The following SPAG16 variants were observed in gnomAD, a reference collection of about 807,000 sequenced individuals.
SPAG16 encodes the protein sperm associated antigen 16.
In SPAG16, 86 loss-of-function variants were observed where a neutral mutation model predicts 80.4. That is an observed-to-expected ratio of 1.07 (90% confidence interval 0.90 to 1.28). The LOEUF is 1.28. Among genes scored for constraint, SPAG16 ranks in the 50% most tolerant of loss-of-function variants. SPAG16 has a pLI of 0.00. For synonymous variants in SPAG16, 294 were observed against 265.9 expected (o/e 1.11, Z -1.03); for missense variants, 870 against 765.3 (o/e 1.14, Z -1.61).
intron 13 of SPAG16, among the ~76,000 whole-genome samples, chr2:214,070,923 T>G (rs1445587024): frequency 6.6e-6 from 1 of 152,102 alleles, no homozygotes; most frequent in East Asian, 1.9e-4. Flanking sequence ...TTGGAAAATA[T>G]AGTAGAGAAA....
chr2:213,284,751 GGTGCT>G, intron 1 of SPAG16, 132 bp downstream of exon 1: 1 of 1,330,244 alleles, frequency 7.5e-7, no homozygotes, highest in Non-Finnish European at 1.0e-6. Context: ...TGGACTTCAA[GGTGCT>G]GTTTTTGCCA....
At chr2:214,136,130 C>G (rs1012021067) in intron 14 of SPAG16, among the ~76,000 whole-genome samples, 1 of 152,046 alleles carries the variant, frequency 6.6e-6, no homozygotes, top group Non-Finnish European at 1.5e-5. Flanking sequence ...CTCACAGAAA[C>G]TAGTAGAGTG....
intron 10 of SPAG16, among the ~76,000 whole-genome samples, chr2:213,500,303 T>C (rs2074683642): frequency 6.6e-6 from 1 of 152,162 alleles, no homozygotes; most frequent in Non-Finnish European, 1.5e-5. Context: ...GTACATTTGA[T>C]ATATGAATGT....
intron 10 of SPAG16, among the ~76,000 whole-genome samples, chr2:213,640,265 G>T (rs2062535327): frequency 6.6e-6 from 1 of 152,030 alleles, no homozygotes. Flanking sequence ...TTTCTTCTTG[G>T]TTTGGATCCA....
chr2:214,054,521 T>G (rs2049833598), intron 13 of SPAG16, among the ~76,000 whole-genome samples: 1 of 152,152 alleles, frequency 6.6e-6, no homozygotes, highest in Non-Finnish European at 1.5e-5. Flanking sequence ...ATTCAATATA[T>G]TTCTGAGGCC....
At chr2:214,354,985 CT>C (rs902019328) in intron 15 of SPAG16, among the ~76,000 whole-genome samples, 3 of 152,070 alleles carry the variant, frequency 2.0e-5, no homozygotes, top group Non-Finnish European at 4.4e-5. Context: ...ATTGAATACC[CT>C]TTATTTCCTT....
At chr2:214,244,241 G>T (rs866352841) in intron 15 of SPAG16, among the ~76,000 whole-genome samples, 7 of 151,694 alleles carry the variant, frequency 4.6e-5, no homozygotes, top group African/African-American at 1.7e-4. Context: ...TATGAAAATT[G>T]AAAACATGAC....
intron 9 of SPAG16, among the ~76,000 whole-genome samples, chr2:213,464,693 T>A: frequency 6.6e-6 from 1 of 152,180 alleles, no homozygotes; most frequent in East Asian, 1.9e-4. Flanking sequence ...CACCATTGAC[T>A]GGGGGGATTA....
chr2:213,441,779 CA>C (rs1347087608), intron 9 of SPAG16, among the ~76,000 whole-genome samples: 2 of 152,108 alleles, frequency 1.3e-5, no homozygotes, highest in Non-Finnish European at 2.9e-5. Flanking sequence ...GCCATTATAG[CA>C]AGTTACAGTA....
At chr2:214,293,085 T>C (rs1213029388) in intron 15 of SPAG16, among the ~76,000 whole-genome samples, 2 of 152,084 alleles carry the variant, frequency 1.3e-5, no homozygotes, top group Non-Finnish European at 2.9e-5. Flanking sequence ...CGTAGAGCAA[T>C]GTATGCTGGC....
At chr2:213,619,310 T>C (rs901312013) in intron 10 of SPAG16, among the ~76,000 whole-genome samples, 2 of 151,974 alleles carry the variant, frequency 1.3e-5, no homozygotes, top group African/African-American at 4.8e-5. Flanking sequence ...AAATAGACAA[T>C]GAGGTTACAT....
intron 3 of SPAG16, among the ~76,000 whole-genome samples, chr2:213,308,148 T>A (rs912654718): frequency 1.3e-5 from 2 of 152,286 alleles, no homozygotes; most frequent in Non-Finnish European, 2.9e-5. Context: ...TTTATTTTTT[T>A]AATTTTATTT....
At chr2:214,026,566 T>C (rs1040603060) in intron 13 of SPAG16, among the ~76,000 whole-genome samples, 7 of 151,490 alleles carry the variant, frequency 4.6e-5, no homozygotes, top group Admixed American at 3.3e-4. Context: ...AACTAATATA[T>C]AGGTTTAATG....
chr2:213,831,945 C>T (rs2125719016), intron 10 of SPAG16, among the ~76,000 whole-genome samples: 1 of 152,192 alleles, frequency 6.6e-6, no homozygotes, highest in South Asian at 2.1e-4. Flanking sequence ...TGCTGTTGAA[C>T]ACTGGGCTAT....
At chr2:214,283,614 T>C (rs1323249125) in intron 15 of SPAG16, among the ~76,000 whole-genome samples, 1 of 152,096 alleles carries the variant, frequency 6.6e-6, no homozygotes, top group African/African-American at 2.4e-5. Context: ...TAGAATTAAC[T>C]TTACAAAAAA....
At chr2:213,807,744 G>A (rs1426250394) in intron 10 of SPAG16, among the ~76,000 whole-genome samples, 1 of 152,146 alleles carries the variant, frequency 6.6e-6, no homozygotes, top group African/African-American at 2.4e-5. Context: ...ATATAGTTAA[G>A]GTGTGCCTTA....
chr2:213,793,218 G>A (rs972665988), intron 10 of SPAG16, among the ~76,000 whole-genome samples: 9 of 151,844 alleles, frequency 5.9e-5, no homozygotes, highest in Non-Finnish European at 1.2e-4. Flanking sequence ...GTGAGCCACC[G>A]CGCGGCCTTA....
chr2:213,803,022 AG>A (rs2071516300), intron 10 of SPAG16, among the ~76,000 whole-genome samples: 1 of 151,898 alleles, frequency 6.6e-6, no homozygotes, highest in African/African-American at 2.4e-5. Context: ...AATCTTTTGG[AG>A]TTTTTTTTTT....
intron 13 of SPAG16, among the ~76,000 whole-genome samples, chr2:214,082,112 G>T (rs1050021993): frequency 6.6e-6 from 1 of 151,934 alleles, no homozygotes; most frequent in Non-Finnish European, 1.5e-5. Context: ...CTTGCCCCTC[G>T]CTTTTGGCTT....
Sources: gnomAD v4.1 joint callset for allele counts (sites outside exome capture counted in the v4.1 genomes callset) on GRCh38, gnomAD v4.1.1 for gene constraint, MANE v1.5 for transcripts, NCBI Gene and HGNC (gene_info 2026-07-23, HGNC 2026-07-21) for gene names.